PHAX: variants seen among roughly 807,000 people sequenced by gnomAD.
The protein encoded by PHAX is phosphorylated adaptor for RNA export.
A neutral mutation model predicts 41.6 loss-of-function variants in PHAX; 31 were observed. The ratio of observed to expected loss-of-function variants is 0.75; its 90% CI spans 0.56 to 1.01. The LOEUF is 1.01. Among genes scored for constraint, PHAX ranks in the 50% least tolerant of loss-of-function variants. The probability of loss-of-function intolerance (pLI) is 0.00; values close to 1 mark genes in which losing one functional copy is unlikely to be tolerated. For missense variants in PHAX, 453 were observed against 472.9 expected (o/e 0.96, Z 0.39); for synonymous variants, 175 against 164.9 (o/e 1.06, Z -0.47).
At chr5:126,602,243 G>A (rs1209115517) in intron 1 of PHAX, among the ~76,000 whole-genome samples, 1 of 152,234 alleles carries the variant, frequency 6.6e-6, no homozygotes, top group Non-Finnish European at 1.5e-5. Context: ...CACCGCGCCC[G>A]GCCCAGCTTC....
intron 4 of PHAX, among the ~76,000 whole-genome samples, chr5:126,617,864 C>T (rs896096472): frequency 6.6e-6 from 1 of 152,106 alleles, no homozygotes; most frequent in Non-Finnish European, 1.5e-5. Context: ...TCCTCCTGCC[C>T]CAGTCTCCCA....
At position 126,609,712 on chromosome 5, in the gene PHAX, CAA is replaced by C. The variant is rs11349093; in HGVS notation, c.831+1239_831+1240del. Among the ~76,000 whole-genome samples, 491 of 135,746 alleles carry C rather than the reference CAA, an allele frequency of 3.6e-3. 3 individuals are homozygous for C. The highest frequency in any genetic ancestry group is 0.012 in the African/African-American group (462 of 38,592). 89.1% of individuals were successfully genotyped at this position (135,746 alleles called of 152,430 possible). A position where few individuals can be genotyped will look rare whatever the true frequency, so the allele number is the denominator to read the frequency against. On this transcript the variant is annotated intron_variant, in intron 3 of 4. Transcript: ENST00000297540. The stretch of plus-strand genomic sequence containing the variant: ...ATTCATGCATTCTTGAAAAAGAGGG[CAA>C]AAAAAAAAAACAAAACACCCTTTTT...
intron 2 of PHAX, among the ~76,000 whole-genome samples, chr5:126,606,220 G>A (rs1751985433): frequency 6.6e-6 from 1 of 152,130 alleles, no homozygotes; most frequent in Non-Finnish European, 1.5e-5. Context: ...GTTTGAGACA[G>A]AGTGTCACTC....
At chr5:126,604,414 A>G (rs890935176) in intron 2 of PHAX, among the ~76,000 whole-genome samples, 6 of 149,684 alleles carry the variant, frequency 4.0e-5, no homozygotes, top group Non-Finnish European at 8.9e-5. Flanking sequence ...ACAGGTATGC[A>G]CCCCCACGCC....
intron 2 of PHAX, 140 bp from the exon 3 acceptor site, chr5:126,608,224 G>T: frequency 1.1e-6 from 1 of 904,936 alleles, no homozygotes; most frequent in Non-Finnish European, 1.6e-6. Flanking sequence ...TTACATGTCA[G>T]TGATTCCAAG....
chr5:126,614,017 A>G (rs1261154461), intron 3 of PHAX, among the ~76,000 whole-genome samples: 2 of 150,192 alleles, frequency 1.3e-5, no homozygotes, highest in African/African-American at 4.9e-5. Context: ...CACTCAAGCA[A>G]TCCATCTGCC....
rs377290736 is a variant in PHAX, at chr5:126,601,064, T to C, written c.96+6T>C. On this transcript the variant is annotated splice_donor_region_variant and intron_variant, in intron 1 of 4. Coordinates refer to ENST00000297540, the MANE Select transcript of PHAX (RefSeq NM_032177.4). ...ACAGGCCGCTGCAATTGCCAGTGAG[T>C]GTGAAAGGAGGGTGGGTGATCGTGG... 1.3e-6 allele frequency: 2 copies of C among 1,596,608 alleles called. No individual in the cohort carries two copies. The highest frequency in any genetic ancestry group is 1.7e-6 in the Non-Finnish European group (2 of 1,169,818).
chr5:126,625,029 A>G lies in PHAX; in HGVS notation c.*185A>G. 1 of 583,330 alleles carries G rather than the reference A, an allele frequency of 1.7e-6. No homozygotes were observed. The highest frequency in any genetic ancestry group is 2.9e-6 in the Non-Finnish European group (1 of 339,282). The allele number at this position is 583,330 out of a possible 1,614,324, so 36.1% of individuals were successfully genotyped here. Reference sequence around the variant, plus strand: ...TAGAACATTTAAAGATATATCTGACAAAATACTTAAGAGTATATAGCACAG... The same window carrying G: ...TAGAACATTTAAAGATATATCTGACGAAATACTTAAGAGTATATAGCACAG... On this transcript the variant is annotated 3_prime_UTR_variant, in exon 5 of 5. Coordinates refer to ENST00000297540, the MANE Select transcript of PHAX (RefSeq NM_032177.4).
chr5:126,604,186 G>C lies in PHAX; in HGVS notation c.710+3G>C, dbSNP rs1055505204. 6.6e-7 allele frequency: 1 copy of C among 1,520,178 alleles called. No individual in the cohort carries two copies. Among genetic ancestry groups the C allele is most frequent in the African/African-American group, 1.4e-5 (1 of 71,460 alleles). The allele number at this position is 1,520,178 out of a possible 1,614,324, so 94.2% of individuals were successfully genotyped here. On this transcript the variant is annotated splice_donor_region_variant and intron_variant, in intron 2 of 4. Transcript: ENST00000297540. ...GTGGCTGATGAAATTTCATTCAGGTGAGCATTTGAATTACAAATAAGTACT... is the reference window on the plus strand; with the variant it reads ...GTGGCTGATGAAATTTCATTCAGGTCAGCATTTGAATTACAAATAAGTACT...
Position 126,604,081 on chromosome 5 carries a change from T to C in PHAX, c.608T>C (p.Val203Ala), listed in dbSNP as rs2112828692. The change falls in exon 2 of 5, where the codon GTC becomes GCC. Residue 203 changes from valine (V) to alanine (A), a missense_variant. Transcript: ENST00000297540. ...GGTCATCTCAAAAGGAAACGACCTG[T>C]CAAAGACAGGCTAGGGAACAGACCA... ...GQGHLKRKRP[V>A]KDRLGNRPEM... 2 of 1,613,642 alleles carry C rather than the reference T, an allele frequency of 1.2e-6. No homozygotes were observed. The highest frequency in any genetic ancestry group is 1.1e-5 in the South Asian group (1 of 91,058).
chr5:126,604,975 A>C (rs923749908), intron 2 of PHAX, among the ~76,000 whole-genome samples: 6 of 151,902 alleles, frequency 3.9e-5, no homozygotes, highest in Admixed American at 6.6e-5. Flanking sequence ...CGGAGGTTGC[A>C]GTGAGCCGAG....
chr5:126,608,353 T>C lies in PHAX; in HGVS notation c.711-11T>C. Reference sequence around the variant, plus strand: ...CAAACAAAGAGGATAATTTTACTTGTTTCTCATCAGGTTACAGGAACCAAA... The same window carrying C: ...CAAACAAAGAGGATAATTTTACTTGCTTCTCATCAGGTTACAGGAACCAAA... On this transcript the variant is annotated splice_polypyrimidine_tract_variant and intron_variant, in intron 2 of 4. Transcript: ENST00000297540. The C allele has an allele frequency of 7.4e-6, 12 of 1,611,264 alleles. No individual in the cohort carries two copies. The highest frequency in any genetic ancestry group is 9.3e-6 in the Non-Finnish European group (11 of 1,178,750).
chr5:126,605,910 T>G (rs1167708235), intron 2 of PHAX, among the ~76,000 whole-genome samples: 1 of 152,190 alleles, frequency 6.6e-6, no homozygotes, highest in East Asian at 1.9e-4. Flanking sequence ...CCATTTCTAG[T>G]GTTAATTTTT....
intron 3 of PHAX, among the ~76,000 whole-genome samples, chr5:126,613,376 A>G (rs934228512): frequency 3.3e-5 from 5 of 152,310 alleles, no homozygotes; most frequent in African/African-American, 9.6e-5. Flanking sequence ...GCCAATTTAT[A>G]TGACAGAATC....
Position 126,603,626 on chromosome 5 carries a change from T to A in PHAX, c.153T>A (p.Cys51Ter), listed in dbSNP as rs776859807. 2 of 1,614,192 alleles carry A rather than the reference T, an allele frequency of 1.2e-6. No individual in the cohort carries two copies. The highest frequency in any genetic ancestry group is 3.3e-5 in the Admixed American group (2 of 60,016). ...MRAFQNTATA[C>*]APVSHYRAVE... The stretch of plus-strand genomic sequence containing the variant: ...CCTTCCAGAACACGGCAACTGCATG[T>A]GCACCAGTATCACATTATCGAGCTG... Residue 51 changes from cysteine (C) to a stop codon, truncating the protein, a stop_gained, in exon 2 of 5, where the codon TGT (cysteine) becomes TGA (stop). Transcript: ENST00000297540. LOFTEE classifies it high-confidence loss of function.
Position 126,624,652 on chromosome 5 carries a change from G to A in PHAX, c.993G>A (p.Gly331=). The part of the protein sequence containing the change: ...AARKRRTQVL[G]KKMKQAIKSL... The stretch of plus-strand genomic sequence containing the variant: ...GGAAGAGGAGAACACAAGTGTTGGG[G>A]AAAAAGATGAAACAAGCTATTAAAA... The change falls in exon 5 of 5, where the codon GGG becomes GGA. Residue 331 remains glycine, a synonymous_variant. Transcript: ENST00000297540. The A allele has an allele frequency of 6.2e-7, 1 of 1,613,788 alleles. No homozygotes were observed. The highest frequency in any genetic ancestry group is 8.5e-7 in the Non-Finnish European group (1 of 1,179,746).
At chr5:126,603,488 G>A (rs1751935260) in intron 1 of PHAX, 82 bp from the exon 2 acceptor site, 4 of 1,453,868 alleles carry the variant, frequency 2.8e-6, no homozygotes, top group African/African-American at 1.4e-5. Context: ...GAATGGCAAA[G>A]TTGAATCTCT....
chr5:126,608,901 C>A (rs1752032581), intron 3 of PHAX, among the ~76,000 whole-genome samples: 1 of 149,992 alleles, frequency 6.7e-6, no homozygotes, highest in Non-Finnish European at 1.5e-5. Context: ...CGCACCCTTG[C>A]ACTCCATCCT....
Position 126,604,274 on chromosome 5 carries a change from C to CTTTTTTTTTTTT in PHAX, c.710+99_710+110dup, listed in dbSNP as rs57270218. On this transcript the variant is annotated intron_variant, in intron 2 of 4. Coordinates refer to ENST00000297540, the MANE Select transcript of PHAX (RefSeq NM_032177.4). ...TGCCAAATACTTTAATGATATGTTCCTTTTTTTTTTTTTTTTTTTGGAGAC... is the reference window on the plus strand; with the variant it reads ...TGCCAAATACTTTAATGATATGTTCCTTTTTTTTTTTTTTTTTTTTTTTTTTTTTTTGGAGAC... The CTTTTTTTTTTTT allele has an allele frequency of 3.1e-4, 199 of 645,736 alleles. 9 individuals carry two copies. Among genetic ancestry groups the CTTTTTTTTTTTT allele is most frequent in the East Asian group, 2.7e-3 (62 of 23,184 alleles). The allele number at this position is 645,736 out of a possible 1,614,324, so 40.0% of individuals were successfully genotyped here. A position where few individuals can be genotyped will look rare whatever the true frequency, so the allele number is the denominator to read the frequency against.
Sources: allele counts gnomAD v4.1 joint callset (sites outside exome capture counted in the v4.1 genomes callset), GRCh38; gene constraint gnomAD v4.1.1; transcripts MANE v1.5; gene names NCBI Gene and HGNC (gene_info 2026-07-23, HGNC 2026-07-21).